The following ZNF425 variants were observed in gnomAD, a reference collection of about 807,000 sequenced individuals.
ZNF425 encodes the protein zinc finger protein 425.
ZNF425 carries 21 observed loss-of-function variants against 17.0 expected under a neutral mutation model. That is an observed-to-expected ratio of 1.23 (90% CI 0.88 to 1.78). The LOEUF (loss-of-function observed/expected upper bound fraction) is 1.78. Ranked by LOEUF, ZNF425 falls within the 40% of genes most tolerant of loss-of-function variation. The pLI is 0.00. For missense variants in ZNF425, 868 were observed against 967.3 expected, an observed-to-expected ratio of 0.90 and a Z score of 1.36; for synonymous variants, 433 against 384.1, an observed-to-expected ratio of 1.13 and a Z score of -1.49.
intron 2 of ZNF425, among the ~76,000 whole-genome samples, chr7:149,112,730 A>T (rs912532014): frequency 6.6e-6 from 1 of 152,114 alleles, no homozygotes; most frequent in Non-Finnish European, 1.5e-5. Context: ...CAGTGGTACA[A>T]TCTTGGCTCA....
chr7:149,115,677 G>A (rs1471542791), intron 2 of ZNF425, among the ~76,000 whole-genome samples: 2 of 147,168 alleles, frequency 1.4e-5, no homozygotes, highest in African/African-American at 5.1e-5. Flanking sequence ...GTGACAGAGC[G>A]AGACTCCGTC....
rs537221856 is a variant in ZNF425 at position 149,126,304 on chromosome 7, A to G, written c.-91T>C. 151 of 1,512,568 alleles carry G rather than the reference A, an allele frequency of 1.0e-4. 2 individuals are homozygous for G. The South Asian group carries it at 1.4e-3, about 14-fold the overall frequency. 93.7% of individuals were successfully genotyped at this position (1,512,568 alleles called of 1,614,324 possible). A position where few individuals can be genotyped will look rare whatever the true frequency, so the allele number is the denominator to read the frequency against. ...CCAGGTACAGCCCTGCTGGCCCCCA[A>G]AGGCAGAGCCGGCCGGGCGCGGTGC... On this transcript the variant is annotated 5_prime_UTR_variant, in exon 1 of 4. Coordinates refer to ENST00000378061, the MANE Select transcript of ZNF425 (RefSeq NM_001001661.3).
At position 149,105,219 on chromosome 7, in the gene ZNF425, A is replaced by T; in HGVS notation, c.652T>A (p.Cys218Ser). The T allele has an allele frequency of 2.5e-6, 4 of 1,614,218 alleles. No individual in the cohort carries two copies. The highest frequency in any genetic ancestry group is 3.4e-6 in the Non-Finnish European group (4 of 1,180,048). Reference protein sequence around the residue: ...HKRSHSKSQLCRYPKYKNSSR... With the variant: ...HKRSHSKSQLSRYPKYKNSSR... ...GAGTTTTTGTACTTTGGGTATCTGC[A>T]GAGCTGGCTCTTGGAGTGGCTCCGT... Residue 218 changes from cysteine to serine, a missense_variant, in exon 4 of 4, where the codon TGC (cysteine) becomes AGC (serine). Around this residue, in one of 5 missense-constraint regions of ZNF425, gnomAD observed 243 missense variants for 265.2 expected, o/e 0.92. Transcript: ENST00000378061.
chr7:149,123,088 G>T (rs977159872), intron 1 of ZNF425, among the ~76,000 whole-genome samples: 1 of 152,162 alleles, frequency 6.6e-6, no homozygotes, highest in African/African-American at 2.4e-5. Context: ...TTTAACAGGG[G>T]TGTTTCAAAC....
intron 3 of ZNF425, among the ~76,000 whole-genome samples, chr7:149,109,189 T>C (rs1229113275): frequency 6.6e-6 from 1 of 151,676 alleles, no homozygotes; most frequent in Non-Finnish European, 1.5e-5. Flanking sequence ...GCCATTCTCC[T>C]GTCTCACCCT....
intron 1 of ZNF425, among the ~76,000 whole-genome samples, chr7:149,123,722 G>A (rs974562830): frequency 2.4e-4 from 37 of 151,954 alleles, no homozygotes; most frequent in African/African-American, 3.6e-4. Context: ...AGTAGAGACC[G>A]GGTTTCGCCA....
chr7:149,115,630 T>C (rs1049107973), intron 2 of ZNF425, among the ~76,000 whole-genome samples: 5 of 148,834 alleles, frequency 3.4e-5, no homozygotes, highest in African/African-American at 1.2e-4. Context: ...ACAGAGGTTG[T>C]AGTGAGCCGA....
intron 1 of ZNF425, among the ~76,000 whole-genome samples, chr7:149,119,258 G>A (rs951171441): frequency 6.6e-6 from 1 of 151,950 alleles, no homozygotes; most frequent in African/African-American, 2.4e-5. Context: ...ATTACGGGGT[G>A]TGCCACCATG....
At chr7:149,119,264 C>G (rs567630098) in intron 1 of ZNF425, among the ~76,000 whole-genome samples, 1 of 152,096 alleles carries the variant, frequency 6.6e-6, no homozygotes, top group Non-Finnish European at 1.5e-5. Context: ...GGGTGTGCCA[C>G]CATGCCTGGT....
Position 149,104,821 on chromosome 7 carries a change from G to A in ZNF425, c.1050C>T (p.Thr350=). 3 of 1,613,768 alleles carry A rather than the reference G, an allele frequency of 1.9e-6. No individual in the cohort carries two copies. Among genetic ancestry groups the A allele is most frequent in the South Asian group, 2.2e-5 (2 of 91,058 alleles). Residue 350 remains threonine (T), a synonymous_variant, in exon 4 of 4, where the codon ACC becomes ACT. Coordinates refer to ENST00000378061, the MANE Select transcript of ZNF425 (RefSeq NM_001001661.3). The surrounding 1 kb of genome is among the most constrained non-coding windows in gnomAD (Gnocchi z 4.3). ...GGAAGGGCCTCTTCCCGCTGTGCTG[G>A]GTCAGATGGACCTTCATGCCCCTCT... ...RLKRGMKVHL[T]QHSGKRPFHC... is the part of the protein sequence containing the mutation.
In ZNF425 at chr7:149,104,439, G is replaced by T. The variant is rs761259463; in HGVS notation, c.1432C>A (p.Arg478Ser). 1.3e-6 allele frequency: 2 copies of T among 1,599,794 alleles called. No individual in the cohort carries two copies. Among genetic ancestry groups the T allele is most frequent in the South Asian group, 2.2e-5 (2 of 89,012 alleles). Residue 478 changes from arginine to serine, a missense_variant, in exon 4 of 4, where the codon CGC (arginine) becomes AGC (serine). Arg to Ser is a moderately radical substitution (Grantham distance 110). Coordinates refer to ENST00000378061, the MANE Select transcript of ZNF425 (RefSeq NM_001001661.3). The surrounding 1 kb of genome is among the most constrained non-coding windows in gnomAD (Gnocchi z 4.3). Reference protein sequence around the residue: ...KPFPCAECGKRFTRPSKLACH... With the variant: ...KPFPCAECGKSFTRPSKLACH... ...GCGAGCTTGGAAGGCCGCGTGAAGC[G>T]CTTGCCGCACTCGGCGCAGGGGAAG...
chr7:149,103,831 G>A lies in ZNF425; in HGVS notation c.2040C>T (p.Ser680=), dbSNP rs201391461. Reference sequence around the variant, plus strand: ...TGTGCTTATACAAGTGGACCTTCAAGCTGCCCCTGATGCAGTAGCTCTTGT... The same window carrying A: ...TGTGCTTATACAAGTGGACCTTCAAACTGCCCCTGATGCAGTAGCTCTTGT... ...ECDKSYCIRG[S]LKVHLYKHSG... is the part of the protein sequence containing the mutation. The change falls in exon 4 of 4, where the codon AGC becomes AGT. Residue 680 remains serine, a synonymous_variant. Coordinates refer to ENST00000378061, the MANE Select transcript of ZNF425 (RefSeq NM_001001661.3). 7.4e-6 allele frequency: 12 copies of A among 1,612,490 alleles called. No homozygotes were observed. Among genetic ancestry groups the A allele is most frequent in the Non-Finnish European group, 9.3e-6 (11 of 1,179,576 alleles).
At position 149,105,506 on chromosome 7, in the gene ZNF425, T is replaced by C; in HGVS notation, c.365A>G (p.Gln122Arg). 6.6e-7 allele frequency: 1 copy of C among 1,518,202 alleles called. No homozygotes were observed. Among genetic ancestry groups the C allele is most frequent in the Non-Finnish European group, 8.8e-7 (1 of 1,136,590 alleles). 94.0% of individuals were successfully genotyped at this position (1,518,202 alleles called of 1,614,324 possible). Residue 122 changes from glutamine to arginine, a missense_variant, in exon 4 of 4, where the codon CAG (glutamine) becomes CGG (arginine). This residue lies in a region of ZNF425 where 179 missense variants were observed against 216.3 expected (regional missense o/e 0.83). Transcript: ENST00000378061. ...EDCRLNGPQK[Q>R]DLCAALRGKE... ...CCCTCGTAAGGCAGCACACAAGTCC[T>C]GTTTTTGAGGACCATTTAAACGGCA...
intron 1 of ZNF425, among the ~76,000 whole-genome samples, chr7:149,124,776 G>C (rs1359269635): frequency 6.7e-6 from 1 of 149,278 alleles, no homozygotes; most frequent in Non-Finnish European, 1.5e-5. Flanking sequence ...CCCGACCTCA[G>C]GTGATCCGCC....
intron 3 of ZNF425, among the ~76,000 whole-genome samples, chr7:149,107,303 T>C (rs977967989): frequency 2.0e-5 from 3 of 151,384 alleles, no homozygotes; most frequent in Non-Finnish European, 4.4e-5. Context: ...AACTCTGCAT[T>C]ATAAGAATGA....
intron 3 of ZNF425, among the ~76,000 whole-genome samples, chr7:149,111,590 TAA>T (rs60783786): frequency 4.4e-4 from 24 of 54,380 alleles, no homozygotes; most frequent in African/African-American, 1.4e-3. Flanking sequence ...AGACTCTGTC[TAA>T]AAAAAAAAAA....
At chr7:149,126,107 C>G (rs747171708) in intron 1 of ZNF425, 89 bp downstream of exon 1, 65 of 1,597,962 alleles carry the variant, frequency 4.1e-5, no homozygotes, top group Non-Finnish European at 5.4e-5. Context: ...AGGCCCCGGC[C>G]GCCCCACTCC....
intron 3 of ZNF425, among the ~76,000 whole-genome samples, chr7:149,110,024 C>T (rs1826147983): frequency 1.3e-5 from 2 of 151,712 alleles, no homozygotes; most frequent in Non-Finnish European, 2.9e-5. Context: ...TAACAGGAGC[C>T]TGCCACCACA....
chr7:149,103,074 C>T lies in ZNF425; in HGVS notation c.*538G>A, dbSNP rs1166927442. 1.3e-5 allele frequency: 2 copies of T among 152,948 alleles called. No homozygotes were observed. The highest frequency in any genetic ancestry group is 4.8e-5 in the African/African-American group (2 of 41,458). 9.5% of individuals were successfully genotyped at this position (152,948 alleles called of 1,614,324 possible). A position where few individuals can be genotyped will look rare whatever the true frequency, so the allele number is the denominator to read the frequency against. On this transcript the variant is annotated 3_prime_UTR_variant, in exon 4 of 4. Coordinates refer to ENST00000378061, the MANE Select transcript of ZNF425 (RefSeq NM_001001661.3). ...TAGCAGATCAGTGTGAATGTTTCCT[C>T]CACAACTGGCACGTCTTTCCTATGA... is the stretch of plus-strand genomic sequence containing the variant.
Sources: allele counts gnomAD v4.1 joint callset (sites outside exome capture counted in the v4.1 genomes callset), GRCh38; gene constraint gnomAD v4.1.1; regional missense constraint gnomAD v4.1.1; non-coding constraint Gnocchi (gnomAD v3.1); transcripts MANE v1.5; gene names NCBI Gene and HGNC (gene_info 2026-07-23, HGNC 2026-07-21).